Variants in SYNDIG1 observed in about 807,000 individuals in gnomAD.
SYNDIG1 encodes synapse differentiation inducing 1.
In SYNDIG1, 9 loss-of-function variants were observed where a neutral mutation model predicts 19.4. The ratio of observed to expected loss-of-function variants is 0.46; its 90% confidence interval spans 0.28 to 0.81. SYNDIG1 has a LOEUF of 0.81. SYNDIG1 is among the 30% of genes least tolerant of loss of function. The probability of loss-of-function intolerance (pLI) is 0.12; values close to 1 mark genes in which losing one functional copy is unlikely to be tolerated. For synonymous variants in SYNDIG1, 141 were observed against 145.9 expected (o/e 0.97, Z 0.24); for missense variants, 311 against 343.3 (o/e 0.91, Z 0.74).
intron 1 of SYNDIG1, among the ~76,000 whole-genome samples, chr20:24,498,676 T>C (rs2056362652): frequency 6.6e-6 from 1 of 152,328 alleles, no homozygotes; most frequent in Admixed American, 6.5e-5. Context: ...TATGTAGATG[T>C]GTTCTTGTGT....
At chr20:24,480,376 G>T (rs1323067515) in intron 1 of SYNDIG1, among the ~76,000 whole-genome samples, 1 of 152,148 alleles carries the variant, frequency 6.6e-6, no homozygotes, top group African/African-American at 2.4e-5. Context: ...TTTCAGTGAA[G>T]AAATGTCCTA....
intron 3 of SYNDIG1, among the ~76,000 whole-genome samples, chr20:24,635,434 G>A (rs575796506): frequency 5.3e-5 from 8 of 152,090 alleles, no homozygotes; most frequent in South Asian, 2.1e-4. Context: ...TTTCCCGCCC[G>A]TGATTCTAAA....
At chr20:24,605,269 C>G (rs2058738863) in intron 3 of SYNDIG1, among the ~76,000 whole-genome samples, 1 of 152,158 alleles carries the variant, frequency 6.6e-6, no homozygotes, top group Admixed American at 6.5e-5. Context: ...GCTACAAGAG[C>G]CCAGCTAGAT....
rs1305589454 is a variant in SYNDIG1, at chr20:24,665,964, CG to C, written c.*461del. 6.1e-6 allele frequency: 1 copy of C among 163,880 alleles called. No individual in the cohort carries two copies. Among genetic ancestry groups the C allele is most frequent in the African/African-American group, 2.4e-5 (1 of 41,564 alleles). 10.2% of individuals were successfully genotyped at this position (163,880 alleles called of 1,614,324 possible). On this transcript the variant is annotated 3_prime_UTR_variant, in exon 4 of 4. Coordinates refer to ENST00000376862, the MANE Select transcript of SYNDIG1 (RefSeq NM_024893.3). The stretch of plus-strand genomic sequence containing the variant: ...TCCTTTGTGCCCCCCGGAGTCCACA[CG>C]CCTTCCCTGCAAGACGAGAATGGGG...
intron 3 of SYNDIG1, among the ~76,000 whole-genome samples, chr20:24,627,169 G>A (rs2059161367): frequency 6.6e-6 from 1 of 151,200 alleles, no homozygotes; most frequent in Middle Eastern, 3.4e-3. Flanking sequence ...GAGCGAGAGC[G>A]AGAGCGAGAG....
rs373605642 is a variant in SYNDIG1 at position 24,584,911 on chromosome 20, G to A, written c.536G>A (p.Arg179Gln). 6 of 1,613,980 alleles carry A rather than the reference G, an allele frequency of 3.7e-6. No homozygotes were observed. Among genetic ancestry groups the A allele is most frequent in the African/African-American group, 2.7e-5 (2 of 74,888 alleles). The change falls in exon 3 of 4, where the codon CGG (arginine) becomes CAG (glutamine). Residue 179 changes from arginine to glutamine, a missense_variant. Physicochemically the swap from Arg to Gln is conservative, Grantham distance 43 (BLOSUM62 1). Coordinates refer to ENST00000376862, the MANE Select transcript of SYNDIG1 (RefSeq NM_024893.3). ...SEDNFLMMPP[R>Q]DHLGLSVFSM... ...GACAATTTCCTCATGATGCCCCCGC[G>A]GGACCACCTGGGCCTCAGTGTCTTC...
intron 1 of SYNDIG1, among the ~76,000 whole-genome samples, chr20:24,522,731 G>A (rs946027984): frequency 3.3e-5 from 5 of 152,130 alleles, no homozygotes; most frequent in Non-Finnish European, 5.9e-5. Context: ...TATTTGGCTC[G>A]TGGTTCTGTA....
intron 2 of SYNDIG1, among the ~76,000 whole-genome samples, chr20:24,575,145 A>C (rs1283564352): frequency 2.6e-5 from 4 of 152,346 alleles, no homozygotes; most frequent in Middle Eastern, 3.4e-3. Context: ...TTTGCCTTCC[A>C]GGACCCCATC....
At chr20:24,638,594 C>T (rs993054721) in intron 3 of SYNDIG1, among the ~76,000 whole-genome samples, 4 of 152,120 alleles carry the variant, frequency 2.6e-5, no homozygotes, top group Non-Finnish European at 5.9e-5. Context: ...AACTCCTGGA[C>T]TCAAGAAATA....
intron 1 of SYNDIG1, among the ~76,000 whole-genome samples, chr20:24,527,987 CTTACTA>C (rs772556047): frequency 7.9e-5 from 12 of 152,208 alleles, no homozygotes; most frequent in Non-Finnish European, 1.5e-4. Flanking sequence ...GGCTATATAA[CTTACTA>C]TTACTGTTAC....
In SYNDIG1 at chr20:24,636,989, G is replaced by C. The variant is rs1468788604; in HGVS notation, c.619-28357G>C. ...TGAGGCCTTGCATACCATCCAAGAG[G>C]CTCCTGAGAATTTTCCCCTGCACAT... On this transcript the variant is annotated intron_variant, in intron 3 of 3. Coordinates refer to ENST00000376862, the MANE Select transcript of SYNDIG1 (RefSeq NM_024893.3). Among the ~76,000 whole-genome samples, 5 of 152,216 alleles carry C rather than the reference G, an allele frequency of 3.3e-5. No individual in the cohort carries two copies. The East Asian group carries it at 9.6e-4, about 29-fold the overall frequency.
intron 3 of SYNDIG1, among the ~76,000 whole-genome samples, chr20:24,650,186 G>T (rs1371270214): frequency 6.6e-6 from 1 of 152,188 alleles, no homozygotes; most frequent in African/African-American, 2.4e-5. Context: ...AGTCTTCGTT[G>T]TCTTATCTAT....
chr20:24,554,508 G>A (rs935005832), intron 2 of SYNDIG1, among the ~76,000 whole-genome samples: 8 of 152,168 alleles, frequency 5.3e-5, no homozygotes, highest in African/African-American at 9.7e-5. Context: ...AGTGTTTTTA[G>A]CATGAAGGTT....
chr20:24,493,036 G>A (rs1382572172), intron 1 of SYNDIG1, among the ~76,000 whole-genome samples: 1 of 152,140 alleles, frequency 6.6e-6, no homozygotes, highest in African/African-American at 2.4e-5. Flanking sequence ...TGAAATTCAA[G>A]GCCATCAAAA....
At chr20:24,563,831 G>A (rs1164733136) in intron 2 of SYNDIG1, among the ~76,000 whole-genome samples, 1 of 152,094 alleles carries the variant, frequency 6.6e-6, no homozygotes, top group African/African-American at 2.4e-5. Flanking sequence ...TCACACTTTT[G>A]GACTCAAGTG....
intron 3 of SYNDIG1, among the ~76,000 whole-genome samples, chr20:24,635,601 T>A (rs958474492): frequency 1.3e-5 from 2 of 152,220 alleles, no homozygotes; most frequent in Non-Finnish European, 2.9e-5. Context: ...AGACTTTTCT[T>A]GATGAGGAGG....
intron 3 of SYNDIG1, among the ~76,000 whole-genome samples, chr20:24,643,812 T>C (rs1321902105): frequency 6.6e-6 from 1 of 152,232 alleles, no homozygotes; most frequent in African/African-American, 2.4e-5. Flanking sequence ...GTTTCAGAGA[T>C]GCTCTAAGAA....
chr20:24,537,612 G>A (rs768939471), intron 1 of SYNDIG1, among the ~76,000 whole-genome samples: 2 of 152,074 alleles, frequency 1.3e-5, no homozygotes, highest in East Asian at 1.9e-4. Flanking sequence ...GATCAGAGAT[G>A]GTCAGAGATG....
chr20:24,575,389 A>G (rs2058211775), intron 2 of SYNDIG1, among the ~76,000 whole-genome samples: 1 of 152,240 alleles, frequency 6.6e-6, no homozygotes, highest in African/African-American at 2.4e-5. Context: ...ATTTATTCCC[A>G]GAGAGTCTGT....
Sources: gnomAD v4.1 joint callset for allele counts (sites outside exome capture counted in the v4.1 genomes callset) on GRCh38, gnomAD v4.1.1 for gene constraint, MANE v1.5 for transcripts, NCBI Gene and HGNC (gene_info 2026-07-23, HGNC 2026-07-21) for gene names.